Variants in PSKH2 observed in about 807,000 individuals in gnomAD.
PSKH2 encodes the protein protein serine kinase H2, also known as serine/threonine-protein kinase H2.
PSKH2 carries 16 observed loss-of-function variants against 22.5 expected under a neutral mutation model. That is an observed-to-expected ratio of 0.71 (90% CI 0.48 to 1.08). PSKH2 has a LOEUF of 1.08. Ranked by LOEUF, PSKH2 falls within the 50% of genes least tolerant of loss-of-function variation. The pLI, the probability that PSKH2 is intolerant of heterozygous loss-of-function variation, is 0.00. For synonymous variants in PSKH2, 188 were observed against 184.8 expected (o/e 1.02, Z -0.14); for missense variants, 516 against 492.8 (o/e 1.05, Z -0.44).
chr8:86,069,306 A>T, intron 1 of PSKH2, 132 bp downstream of exon 1: 1 of 730,558 alleles, frequency 1.4e-6, no homozygotes. Flanking sequence ...AGAAAGGGGG[A>T]GATCAGTGCC....
chr8:86,064,646 A>G lies in PSKH2; in HGVS notation c.186-15T>C, dbSNP rs375800906. ...TGATGTCATATCTGTTGGGAAGAAA[A>G]ACCAAACATGTTATCCCCAGAAGTG... is the stretch of plus-strand genomic sequence containing the variant. On this transcript the variant is annotated splice_polypyrimidine_tract_variant and intron_variant, in intron 1 of 2. Transcript: ENST00000276616. 5.6e-6 allele frequency: 9 copies of G among 1,594,960 alleles called. No homozygotes were observed. In the African/African-American group the frequency reaches 1.2e-4, roughly 22 times the overall value.
At chr8:86,065,644 T>G (rs1475451245) in intron 1 of PSKH2, among the ~76,000 whole-genome samples, 1 of 152,188 alleles carries the variant, frequency 6.6e-6, no homozygotes, top group Non-Finnish European at 1.5e-5. Flanking sequence ...GCTAGGGATC[T>G]TAAGCTTTAA....
intron 2 of PSKH2, among the ~76,000 whole-genome samples, chr8:86,049,301 GT>G (rs1413160163): frequency 1.3e-5 from 2 of 152,106 alleles, no homozygotes; most frequent in Non-Finnish European, 2.9e-5. Flanking sequence ...GCTCACGTTT[GT>G]AATCCCAGCA....
Position 86,048,495 on chromosome 8 carries a change from C to T in PSKH2, c.1125G>A (p.Arg375=). The T allele has an allele frequency of 6.2e-7, 1 of 1,614,062 alleles. No homozygotes were observed. Among genetic ancestry groups the T allele is most frequent in the South Asian group, 1.1e-5 (1 of 91,090 alleles). The change falls in exon 3 of 3, where the codon AGG becomes AGA. Residue 375 remains arginine (R), a synonymous_variant. Transcript: ENST00000276616. ...GCGCAGACAGTGGCGATTCTACTAT[C>T]CTTAAGTTTCTCTTGCTCCACATAT... The part of the protein sequence containing the change: ...SRHMWSKRNL[R]IVESPLSALL
intron 1 of PSKH2, among the ~76,000 whole-genome samples, chr8:86,068,617 G>A (rs1817898248): frequency 6.6e-6 from 1 of 152,110 alleles, no homozygotes; most frequent in African/African-American, 2.4e-5. Context: ...AAAAGCTAAG[G>A]AATGTTCTAC....
At chr8:86,062,658 C>T (rs911523476) in intron 2 of PSKH2, among the ~76,000 whole-genome samples, 6 of 152,148 alleles carry the variant, frequency 3.9e-5, no homozygotes, top group African/African-American at 1.4e-4. Context: ...CCTTGGCCTT[C>T]TGTCATGATC....
At chr8:86,048,858 A>C in intron 2 of PSKH2, 91 bp from the exon 3 acceptor site, 2 of 1,162,820 alleles carry the variant, frequency 1.7e-6, no homozygotes, top group South Asian at 1.8e-5. Context: ...ACATAGATCA[A>C]TGCCAATCGA....
chr8:86,052,466 T>G (rs553987893), intron 2 of PSKH2, among the ~76,000 whole-genome samples: 17 of 152,280 alleles, frequency 1.1e-4, no homozygotes, highest in African/African-American at 4.1e-4. Context: ...AGTTTCCTTG[T>G]CAGAAAAATG....
chr8:86,054,429 T>C (rs972887787), intron 2 of PSKH2, among the ~76,000 whole-genome samples: 1 of 152,190 alleles, frequency 6.6e-6, no homozygotes, highest in Non-Finnish European at 1.5e-5. Flanking sequence ...TGCAAATAAA[T>C]TTTATGTAAA....
chr8:86,056,010 C>T (rs1490402825), intron 2 of PSKH2, among the ~76,000 whole-genome samples: 2 of 151,156 alleles, frequency 1.3e-5, no homozygotes, highest in Non-Finnish European at 2.9e-5. Flanking sequence ...GTGTTTAGGC[C>T]AGGCACTGTG....
chr8:86,051,175 CGTGCCTCACTCTCCCATGCTGGGAGA>C (rs1044499184), intron 2 of PSKH2, among the ~76,000 whole-genome samples: 12 of 151,818 alleles, frequency 7.9e-5, no homozygotes, highest in African/African-American at 1.9e-4. Context: ...AGGCGATTCT[CGTGCCTCACTCTCCCATGCTGGGAGA>C]GTGCCTCACT....
Position 86,064,097 on chromosome 8 carries a change from G to A in PSKH2, c.720C>T (p.Thr240=). 6.2e-7 allele frequency: 1 copy of A among 1,614,134 alleles called. No individual in the cohort carries two copies. Among genetic ancestry groups the A allele is most frequent in the East Asian group, 2.2e-5 (1 of 44,872 alleles). The part of the protein sequence containing the change: ...APEVLLRKPY[T]SAVDMWALGV... ...CAAGAGCCCACATGTCCACTGCACT[G>A]GTATAAGGCTTCCTTAGCAAAACCT... is the stretch of plus-strand genomic sequence containing the variant. Residue 240 remains threonine, a synonymous_variant, in exon 2 of 3, where the codon ACC becomes ACT. Transcript: ENST00000276616.
intron 2 of PSKH2, among the ~76,000 whole-genome samples, chr8:86,054,990 T>G (rs1392482277): frequency 6.6e-6 from 1 of 152,106 alleles, no homozygotes; most frequent in Non-Finnish European, 1.5e-5. Context: ...AATAAATGGG[T>G]TGGCCTTTGA....
chr8:86,058,138 A>C (rs1223103497), intron 2 of PSKH2, among the ~76,000 whole-genome samples: 2 of 152,208 alleles, frequency 1.3e-5, no homozygotes, highest in African/African-American at 4.8e-5. Context: ...TTGTGATGGC[A>C]CTGGCAATCA....
intron 2 of PSKH2, among the ~76,000 whole-genome samples, chr8:86,062,429 G>T (rs1376197158): frequency 7.9e-5 from 12 of 152,112 alleles, no homozygotes; most frequent in Non-Finnish European, 1.6e-4. Context: ...ATATGGTTTG[G>T]CTCTGTGTCC....
At position 86,064,029 on chromosome 8, in the gene PSKH2, T is replaced by C. The variant is rs773664468; in HGVS notation, c.788A>G (p.Asp263Gly). 47 of 1,614,078 alleles carry C rather than the reference T, an allele frequency of 2.9e-5. No homozygotes were observed. In the Admixed American group the frequency reaches 7.5e-4, roughly 26 times the overall value. Residue 263 changes from aspartate (D) to glycine (G), a missense_variant, in exon 2 of 3, where the codon GAT becomes GGT. Physicochemically the swap from Asp to Gly is moderately conservative, Grantham distance 94. Transcript: ENST00000276616. ...YALLSGFLPFDDESQTRLYRK... is the reference protein window; with the variant it reads ...YALLSGFLPFGDESQTRLYRK... ...GTAAAGCCTTGTCTGGCTTTCATCA[T>C]CAAAAGGCAGGAATCCGCTAAGTAA...
chr8:86,050,862 T>C (rs1817620742), intron 2 of PSKH2, among the ~76,000 whole-genome samples: 1 of 152,208 alleles, frequency 6.6e-6, no homozygotes, highest in East Asian at 1.9e-4. Context: ...CATCACATTC[T>C]CCAATCTCTT....
At chr8:86,067,932 T>C (rs1373269229) in intron 1 of PSKH2, among the ~76,000 whole-genome samples, 1 of 152,196 alleles carries the variant, frequency 6.6e-6, no homozygotes, top group East Asian at 1.9e-4. Flanking sequence ...GAAGCCCTTA[T>C]AATGTTGAGA....
chr8:86,054,550 T>A (rs934076610), intron 2 of PSKH2, among the ~76,000 whole-genome samples: 1 of 152,208 alleles, frequency 6.6e-6, no homozygotes, highest in African/African-American at 2.4e-5. Flanking sequence ...TTGTTATAGA[T>A]ATTTAATATT....
Sources: allele counts gnomAD v4.1 joint callset (sites outside exome capture counted in the v4.1 genomes callset), GRCh38; gene constraint gnomAD v4.1.1; transcripts MANE v1.5; gene names NCBI Gene and HGNC (gene_info 2026-07-23, HGNC 2026-07-21).